The following SHOC1 variants were observed in gnomAD, a reference collection of about 807,000 sequenced individuals.
SHOC1 encodes the protein protein shortage in chiasmata 1 ortholog.
In SHOC1, 136 loss-of-function variants were observed where a neutral mutation model predicts 179.2. The ratio of observed to expected loss-of-function variants is 0.76; its 90% CI spans 0.66 to 0.87. The LOEUF is 0.87. Among genes scored for constraint, SHOC1 ranks in the 40% least tolerant of loss-of-function variants. The probability of loss-of-function intolerance (pLI) is 0.00; values close to 1 mark genes in which losing one functional copy is unlikely to be tolerated. For synonymous variants in SHOC1, 489 were observed against 586.6 expected (o/e 0.83, Z 2.41); for missense variants, 1,538 against 1,700.8 (o/e 0.90, Z 1.68).
At position 111,769,049 on chromosome 9, in the gene SHOC1, G is replaced by C. The variant is rs531273045; in HGVS notation, c.442+6742C>G. On this transcript the variant is annotated intron_variant, in intron 5 of 27. Transcript: ENST00000682961. Reference sequence around the variant, plus strand: ...ATTCTTGATTCTTTGAATGTGATGTGTCACATTTAATGATTTGTATATGTT... The same window carrying C: ...ATTCTTGATTCTTTGAATGTGATGTCTCACATTTAATGATTTGTATATGTT... 3.9e-5 allele frequency among the ~76,000 whole-genome samples: 6 copies of C among 152,166 alleles called. No homozygotes were observed. The East Asian group carries it at 9.6e-4, about 24-fold the overall frequency.
intron 22 of SHOC1, among the ~76,000 whole-genome samples, chr9:111,702,839 G>A (rs145697656): frequency 9.2e-5 from 14 of 152,340 alleles, no homozygotes; most frequent in Admixed American, 5.2e-4. Flanking sequence ...GCCAGGCACA[G>A]TAGCTCATGC....
At chr9:111,759,775 A>G (rs1156986595) in intron 5 of SHOC1, among the ~76,000 whole-genome samples, 2 of 152,236 alleles carry the variant, frequency 1.3e-5, no homozygotes, top group African/African-American at 4.8e-5. Flanking sequence ...CGGAGTTTTC[A>G]GGTAGTAATG....
intron 4 of SHOC1, among the ~76,000 whole-genome samples, chr9:111,776,858 C>T (rs1396922321): frequency 1.3e-5 from 2 of 152,200 alleles, no homozygotes; most frequent in Admixed American, 6.6e-5. Flanking sequence ...TCACCTTGCC[C>T]GCTGCCTAGA....
rs1831456158 is a variant in SHOC1 at position 111,691,941 on chromosome 9, T to C, written c.4036A>G (p.Ile1346Val). 6.2e-7 allele frequency: 1 copy of C among 1,613,952 alleles called. No individual in the cohort carries two copies. Among genetic ancestry groups the C allele is most frequent in the Non-Finnish European group, 8.5e-7 (1 of 1,179,922 alleles). The change falls in exon 27 of 28, where the codon ATC becomes GTC. Residue 1346 changes from isoleucine (I) to valine (V), a missense_variant. Physicochemically the swap from Ile to Val is conservative, Grantham distance 29. Coordinates refer to ENST00000682961, the MANE Select transcript of SHOC1 (RefSeq NM_001378211.1). ...GATTGAGTGCCCTCTAGTGAAAAGA[T>C]AGGGTCCGATACATCTTTATTTATG... ...GFINKDVSDP[I>V]FSLEGTQSPL...
Position 111,693,748 on chromosome 9 carries a change from A to G in SHOC1, c.3465+51T>C, listed in dbSNP as rs186188808. 1.4e-5 allele frequency: 17 copies of G among 1,220,416 alleles called. No individual in the cohort carries two copies. In the East Asian group the frequency reaches 4.2e-4, roughly 30 times the overall value. 75.6% of individuals were successfully genotyped at this position (1,220,416 alleles called of 1,614,324 possible). A position where few individuals can be genotyped will look rare whatever the true frequency, so the allele number is the denominator to read the frequency against. On this transcript the variant is annotated intron_variant, in intron 26 of 27. Coordinates refer to ENST00000682961, the MANE Select transcript of SHOC1 (RefSeq NM_001378211.1). ...AATCCTATTGTAAAAATAGATACTCAAATCGAAAGGAAATAAATTCATATC... is the reference window on the plus strand; with the variant it reads ...AATCCTATTGTAAAAATAGATACTCGAATCGAAAGGAAATAAATTCATATC...
chr9:111,792,495 G>A (rs919932445), intron 1 of SHOC1, among the ~76,000 whole-genome samples: 1 of 152,106 alleles, frequency 6.6e-6, no homozygotes, highest in Non-Finnish European at 1.5e-5. Context: ...CCAGGTACCC[G>A]AGAGGCTGAG....
chr9:111,700,186 G>T (rs10981020), intron 23 of SHOC1, 139 bp from the exon 24 acceptor site: 97,044 of 447,472 alleles, frequency 0.22, 11,078 homozygotes, highest in South Asian at 0.39. Context: ...AATTTGTGGG[G>T]TTTTTTTTTC....
At chr9:111,790,482 T>C (rs1277044082) in intron 2 of SHOC1, among the ~76,000 whole-genome samples, 1 of 152,234 alleles carries the variant, frequency 6.6e-6, no homozygotes, top group Non-Finnish European at 1.5e-5. Flanking sequence ...TTCCATTTTT[T>C]TCTCCTGACA....
At chr9:111,722,355 A>G (rs1833092112) in intron 15 of SHOC1, 54 bp downstream of exon 15, 3 of 1,478,632 alleles carry the variant, frequency 2.0e-6, no homozygotes, top group Middle Eastern at 1.8e-4. Context: ...CTAATTTGAT[A>G]CAATAATTTC....
At chr9:111,789,596 C>T (rs1836381273) in intron 2 of SHOC1, among the ~76,000 whole-genome samples, 1 of 152,124 alleles carries the variant, frequency 6.6e-6, no homozygotes, top group African/African-American at 2.4e-5. Context: ...GCATGAACTT[C>T]ATAATATCTT....
In SHOC1 at chr9:111,691,695, A is replaced by G. The variant is rs1278597199; in HGVS notation, c.4282T>C (p.Leu1428=). The change falls in exon 27 of 28, where the codon TTG becomes CTG. Residue 1428 remains leucine, a synonymous_variant. Coordinates refer to ENST00000682961, the MANE Select transcript of SHOC1 (RefSeq NM_001378211.1). ...FWRELPSVPS[L]DLFRASDSNA... ...GAATCAGAAGCACGAAATAAATCCA[A>G]ACTGGGGACAGATGGTAATTCTCTC... 1.2e-6 allele frequency: 2 copies of G among 1,614,004 alleles called. No individual in the cohort carries two copies. The highest frequency in any genetic ancestry group is 3.3e-5 in the Admixed American group (2 of 60,018).
intron 8 of SHOC1, among the ~76,000 whole-genome samples, chr9:111,754,908 T>C (rs1359341047): frequency 6.6e-6 from 1 of 152,210 alleles, no homozygotes; most frequent in Non-Finnish European, 1.5e-5. Context: ...TCTATATAGT[T>C]TTACTTACAC....
chr9:111,782,760 T>G (rs1170351370), intron 3 of SHOC1, among the ~76,000 whole-genome samples: 1 of 152,120 alleles, frequency 6.6e-6, no homozygotes, highest in Non-Finnish European at 1.5e-5. Context: ...CAAAACTGGC[T>G]TTCTTGCTCT....
intron 26 of SHOC1, among the ~76,000 whole-genome samples, chr9:111,693,571 C>T (rs1831547121): frequency 6.6e-6 from 1 of 151,516 alleles, no homozygotes; most frequent in East Asian, 1.9e-4. Flanking sequence ...CCATTGCACT[C>T]CAGCCTGGAA....
rs145565046 is a variant in SHOC1, at chr9:111,775,850, T to C, written c.383A>G (p.Glu128Gly). 8.7e-6 allele frequency: 14 copies of C among 1,613,626 alleles called. No homozygotes were observed. In the African/African-American group the frequency reaches 1.2e-4, roughly 14 times the overall value. ...TAAACAACTGACAGGGGTAAAGACT[T>C]CATTGTAGTCCATGTGGGTGTATAA... ...VSLYTHMDYN[E>G]VFTPVSCLEK... The change falls in exon 5 of 28, where the codon GAA becomes GGA. Residue 128 changes from glutamate to glycine, a missense_variant. Physicochemically the swap from Glu to Gly is moderately conservative, Grantham distance 98. Coordinates refer to ENST00000682961, the MANE Select transcript of SHOC1 (RefSeq NM_001378211.1).
rs1438742886 is a variant in SHOC1 at position 111,692,409 on chromosome 9, A to G, written c.3568T>C (p.Leu1190=). ...TCAGAAGCTGAACTTTGAGAAGACA[A>G]GGTACTAATCTGATTCCTATTTTCC... ...PQENRNQIST[L]SSQSSASDLD... Residue 1190 remains leucine (L), a synonymous_variant, in exon 27 of 28, where the codon TTG becomes CTG. Coordinates refer to ENST00000682961, the MANE Select transcript of SHOC1 (RefSeq NM_001378211.1). 2 of 1,613,688 alleles carry G rather than the reference A, an allele frequency of 1.2e-6. No homozygotes were observed. The highest frequency in any genetic ancestry group is 1.3e-5 in the African/African-American group (1 of 75,034).
Position 111,706,764 on chromosome 9 carries a change from C to A in SHOC1, c.2559-18G>T. 2.0e-6 allele frequency: 3 copies of A among 1,530,300 alleles called. No homozygotes were observed. The highest frequency in any genetic ancestry group is 2.6e-6 in the Non-Finnish European group (3 of 1,136,648). The allele number at this position is 1,530,300 out of a possible 1,614,324, so 94.8% of individuals were successfully genotyped here. On this transcript the variant is annotated intron_variant, in intron 19 of 27. Coordinates refer to ENST00000682961, the MANE Select transcript of SHOC1 (RefSeq NM_001378211.1). Reference sequence around the variant, plus strand: ...AACTTGTACTAAAGACAAAAGAGAGCCAAGAAAATGGCATTATACTTGTGT... The same window carrying A: ...AACTTGTACTAAAGACAAAAGAGAGACAAGAAAATGGCATTATACTTGTGT...
At chr9:111,688,931 A>G (rs1197375567) in intron 27 of SHOC1, among the ~76,000 whole-genome samples, 3 of 152,178 alleles carry the variant, frequency 2.0e-5, no homozygotes, top group Non-Finnish European at 4.4e-5. Context: ...GCTTTTTAAA[A>G]TATGATACAT....
At chr9:111,692,541 T>C (rs1198649862) in intron 26 of SHOC1, 30 bp from the exon 27 acceptor site, 2 of 1,465,986 alleles carry the variant, frequency 1.4e-6, no homozygotes, top group African/African-American at 1.4e-5. Context: ...AATGCAAATG[T>C]CAGTTTAGTA....
Sources: allele counts gnomAD v4.1 joint callset (sites outside exome capture counted in the v4.1 genomes callset), GRCh38; gene constraint gnomAD v4.1.1; transcripts MANE v1.5; gene names NCBI Gene and HGNC (gene_info 2026-07-23, HGNC 2026-07-21).